Variants in PPFIA3 observed in about 807,000 individuals in gnomAD.
The protein encoded by PPFIA3 is PPFI scaffold protein A3, also known as liprin-alpha-3.
PPFIA3 carries 26 observed loss-of-function variants against 145.8 expected under a neutral mutation model. The ratio of observed to expected loss-of-function variants is 0.18; its 90% confidence interval spans 0.13 to 0.25. The LOEUF is 0.25. Among genes scored for constraint, PPFIA3 ranks in the 10% least tolerant of loss-of-function variants. PPFIA3 has a pLI of 1.00. For synonymous variants in PPFIA3, 645 were observed against 661.4 expected, an observed-to-expected ratio of 0.98 and a Z score of 0.38; for missense variants, 1,008 against 1,587.8, an observed-to-expected ratio of 0.63 and a Z score of 6.21.
chr19:49,144,818 C>A (rs1169542996), intron 21 of PPFIA3, among the ~76,000 whole-genome samples: 1 of 152,074 alleles, frequency 6.6e-6, no homozygotes, highest in African/African-American at 2.4e-5. Context: ...GTCATAACAT[C>A]TTAGCCCCCA....
At position 49,132,417 on chromosome 19, in the gene PPFIA3, A is replaced by AAAAG. The variant is rs1568436271; in HGVS notation, c.880-578_880-575dup. Among the ~76,000 whole-genome samples the AAAAG allele has an allele frequency of 4.0e-4, 60 of 149,280 alleles. 2 individuals carry two copies. The highest frequency in any genetic ancestry group is 1.4e-3 in the African/African-American group (57 of 39,898). ...AAAAAAAAAAAAAAAAAAAAAAAAA[A>AAAAG]AAAGAAAGAGAGAGAGAGAACCTTC... is the stretch of plus-strand genomic sequence containing the variant. On this transcript the variant is annotated intron_variant, in intron 7 of 29. Coordinates refer to ENST00000334186, the MANE Select transcript of PPFIA3 (RefSeq NM_003660.4).
In PPFIA3 at chr19:49,130,362, C is replaced by G. The variant is rs1441521288; in HGVS notation, c.658-16C>G. ...GAGACACTCTGGGATCTTGTCCCCT[C>G]CTTCCCTCACTCCAGACTCTTGCCA... On this transcript the variant is annotated splice_polypyrimidine_tract_variant and intron_variant, in intron 6 of 29. Transcript: ENST00000334186. The surrounding 1 kb of genome is among the most constrained non-coding windows in gnomAD (Gnocchi z 4.5). 8.2e-6 allele frequency: 13 copies of G among 1,580,564 alleles called. No individual in the cohort carries two copies. The highest frequency in any genetic ancestry group is 4.6e-5 in the South Asian group (4 of 86,992).
Position 49,128,588 on chromosome 19 carries a change from C to A in PPFIA3, c.342+120C>A. ...TTTTTCCCCCATCTCGCCTTTCTGT[C>A]TTCTCCTCTTCCCTGCTCCCACTTC... On this transcript the variant is annotated intron_variant, in intron 3 of 29. Coordinates refer to ENST00000334186, the MANE Select transcript of PPFIA3 (RefSeq NM_003660.4). The surrounding 1 kb of genome is among the most constrained non-coding windows in gnomAD (Gnocchi z 4.1). 2.1e-6 allele frequency: 2 copies of A among 933,386 alleles called. No individual in the cohort carries two copies. Among genetic ancestry groups the A allele is most frequent in the Non-Finnish European group, 3.3e-6 (2 of 607,676 alleles). The allele number at this position is 933,386 out of a possible 1,614,324, so 57.8% of individuals were successfully genotyped here.
chr19:49,141,197 T>C (rs1173049763), intron 18 of PPFIA3, among the ~76,000 whole-genome samples: 8 of 152,144 alleles, frequency 5.3e-5, no homozygotes, highest in African/African-American at 1.7e-4. Context: ...TTTACCAGCA[T>C]ACAACTGCCA....
At position 49,146,268 on chromosome 19, in the gene PPFIA3, G is replaced by C. The variant is rs979639007; in HGVS notation, c.2835+76G>C. The C allele has an allele frequency of 2.3e-5, 35 of 1,532,452 alleles. No individual in the cohort carries two copies. In the Middle Eastern group the frequency reaches 6.4e-4, roughly 28 times the overall value. 94.9% of individuals were successfully genotyped at this position (1,532,452 alleles called of 1,614,324 possible). ...CATGGATGCCCCTCCTCCGAGCCCT[G>C]CCCCTGCCTTCACCAGAACATGCCA... On this transcript the variant is annotated intron_variant, in intron 23 of 29. Transcript: ENST00000334186.
In PPFIA3 at chr19:49,128,637, C is replaced by T; in HGVS notation, c.342+169C>T. On this transcript the variant is annotated intron_variant, in intron 3 of 29. Transcript: ENST00000334186. The surrounding 1 kb of genome is among the most constrained non-coding windows in gnomAD (Gnocchi z 4.1). ...TCCTGGCTGGTCTCCCACTCTGGTGCCACTCCTTCCTCCCTGTCTCCATAA... is the reference window on the plus strand; with the variant it reads ...TCCTGGCTGGTCTCCCACTCTGGTGTCACTCCTTCCTCCCTGTCTCCATAA... 1.3e-6 allele frequency: 1 copy of T among 748,004 alleles called. No individual in the cohort carries two copies. Among genetic ancestry groups the T allele is most frequent in the African/African-American group, 1.8e-5 (1 of 56,920 alleles). The allele number at this position is 748,004 out of a possible 1,614,324, so 46.3% of individuals were successfully genotyped here.
Position 49,133,748 on chromosome 19 carries a change from G to T in PPFIA3, c.1162-48G>T. 6.3e-7 allele frequency: 1 copy of T among 1,588,192 alleles called. No homozygotes were observed. The highest frequency in any genetic ancestry group is 1.1e-5 in the South Asian group (1 of 89,588). On this transcript the variant is annotated intron_variant, in intron 9 of 29. Coordinates refer to ENST00000334186, the MANE Select transcript of PPFIA3 (RefSeq NM_003660.4). This position sits in a 1 kb window ranked among gnomAD's most constrained non-coding sequence, Gnocchi z 7.2. ...TTGGAGGAGGTGGGGCTGGGAGCCT[G>T]ACTGATCCTGGAAGGGTAAGTCACA...
chr19:49,135,577 T>G (rs1289914084), intron 13 of PPFIA3, among the ~76,000 whole-genome samples: 1 of 151,508 alleles, frequency 6.6e-6, no homozygotes, highest in Non-Finnish European at 1.5e-5. Flanking sequence ...CTTCACCAGG[T>G]TGGCCTGGTC....
intron 21 of PPFIA3, among the ~76,000 whole-genome samples, chr19:49,144,851 TC>T (rs2041262691): frequency 6.6e-6 from 1 of 152,146 alleles, no homozygotes; most frequent in Non-Finnish European, 1.5e-5. Context: ...TGGGTCTTTT[TC>T]TTCCTTGTAA....
chr19:49,126,527 A>G (rs2041001272), intron 1 of PPFIA3, among the ~76,000 whole-genome samples: 1 of 149,454 alleles, frequency 6.7e-6, no homozygotes, highest in East Asian at 2.0e-4. Flanking sequence ...CTGGGATTAC[A>G]GGCATGAGCC....
rs941608900 is a variant in PPFIA3 at position 49,150,282 on chromosome 19, C to T, written c.*60C>T. 1.1e-6 allele frequency: 1 copy of T among 885,588 alleles called. No individual in the cohort carries two copies. Among genetic ancestry groups the T allele is most frequent in the Non-Finnish European group, 1.7e-6 (1 of 591,202 alleles). 54.9% of individuals were successfully genotyped at this position (885,588 alleles called of 1,614,324 possible). On this transcript the variant is annotated 3_prime_UTR_variant, in exon 30 of 30. Coordinates refer to ENST00000334186, the MANE Select transcript of PPFIA3 (RefSeq NM_003660.4). ...AATCTTCCCGAGGCTGGGCTGTTCCCTCTCCTGCCCGGACTGTGGCCTCGC... is the reference window on the plus strand; with the variant it reads ...AATCTTCCCGAGGCTGGGCTGTTCCTTCTCCTGCCCGGACTGTGGCCTCGC...
In PPFIA3 at chr19:49,149,558, G is replaced by A. The variant is rs1443717499; in HGVS notation, c.3366G>A (p.Lys1122=). 6.2e-6 allele frequency: 10 copies of A among 1,614,226 alleles called. No homozygotes were observed. Among genetic ancestry groups the A allele is most frequent in the Non-Finnish European group, 8.5e-6 (10 of 1,180,040 alleles). ...TDRRLDEDSA[K]SFSRSPSWRK... ...GCTCCTATACCTAGGACAGCGCCAAGTCTTTCAGCCGCTCCCCATCCTGGC... is the reference window on the plus strand; with the variant it reads ...GCTCCTATACCTAGGACAGCGCCAAATCTTTCAGCCGCTCCCCATCCTGGC... Residue 1122 remains lysine, a synonymous_variant, in exon 28 of 30, where the codon AAG becomes AAA. Transcript: ENST00000334186. The surrounding 1 kb of genome is among the most constrained non-coding windows in gnomAD (Gnocchi z 5.7).
chr19:49,145,151 T>C (rs1055169082), intron 21 of PPFIA3, among the ~76,000 whole-genome samples: 2 of 151,982 alleles, frequency 1.3e-5, no homozygotes, highest in African/African-American at 4.8e-5. Context: ...AGGCTGGTCT[T>C]GAACTCCTGA....
chr19:49,128,079 C>G lies in PPFIA3; in HGVS notation c.206C>G (p.Ser69Trp). 1 of 1,586,246 alleles carries G rather than the reference C, an allele frequency of 6.3e-7. No individual in the cohort carries two copies. Among genetic ancestry groups the G allele is most frequent in the Non-Finnish European group, 8.5e-7 (1 of 1,174,354 alleles). ...CGCGAGCTCGGCCACGAGAAGGACT[C>G]GCTGCAGCGCCAGCTCAGCATCGCG... ...RLRELGHEKD[S>W]LQRQLSIALP... The change falls in exon 2 of 30, where the codon TCG (serine) becomes TGG (tryptophan). Residue 69 changes from serine (S) to tryptophan (W), a missense_variant. Physicochemically the swap from Ser to Trp is radical, Grantham distance 177. Around this residue, in one of 11 missense-constraint regions of PPFIA3, gnomAD observed 108 missense variants for 144.3 expected, o/e 0.75. Transcript: ENST00000334186. The surrounding 1 kb of genome is among the most constrained non-coding windows in gnomAD (Gnocchi z 4.1).
At chr19:49,142,709 C>T in intron 20 of PPFIA3, 95 bp from the exon 21 acceptor site, 1 of 1,045,454 alleles carries the variant, frequency 9.6e-7, no homozygotes, top group South Asian at 1.4e-5. Context: ...GCTCCCCACC[C>T]CCTTGCCTTT....
chr19:49,137,660 T>TAAAAAAAAAAAAAAAAAAAAAA (rs1325560140), intron 15 of PPFIA3, among the ~76,000 whole-genome samples: 1 of 57,464 alleles, frequency 1.7e-5, no homozygotes, highest in Admixed American at 1.7e-4. Flanking sequence ...AAAAAAAAAG[T>TAAAAAAAAAAAAAAAAAAAAAA]CCCCAACTTA....
intron 11 of PPFIA3, 74 bp from the exon 12 acceptor site, chr19:49,134,565 A>T: frequency 7.2e-7 from 1 of 1,390,692 alleles, no homozygotes; most frequent in Non-Finnish European, 1.0e-6. Context: ...GTCTGTGTGC[A>T]CTGGGAGCTG....
intron 1 of PPFIA3, among the ~76,000 whole-genome samples, 187 bp from the exon 2 acceptor site, chr19:49,127,672 G>T (rs1057393067): frequency 6.6e-6 from 1 of 152,068 alleles, no homozygotes; most frequent in Non-Finnish European, 1.5e-5. Flanking sequence ...TTTCCCCGGT[G>T]GAGTGACAGG....
In PPFIA3 at chr19:49,146,025, C is replaced by A. The variant is rs754218855; in HGVS notation, c.2808+20C>A. 1.9e-6 allele frequency: 3 copies of A among 1,613,208 alleles called. No individual in the cohort carries two copies. Among genetic ancestry groups the A allele is most frequent in the African/African-American group, 2.7e-5 (2 of 74,770 alleles). ...AAGCCCGTGAGTGCCCCCTGCCGGC[C>A]GCCTTGGGGGTGGCACTAACCTTCT... On this transcript the variant is annotated intron_variant, in intron 22 of 29. Coordinates refer to ENST00000334186, the MANE Select transcript of PPFIA3 (RefSeq NM_003660.4).
Sources: allele counts gnomAD v4.1 joint callset (sites outside exome capture counted in the v4.1 genomes callset), GRCh38; gene constraint gnomAD v4.1.1; regional missense constraint gnomAD v4.1.1; non-coding constraint Gnocchi (gnomAD v3.1); transcripts MANE v1.5; gene names NCBI Gene and HGNC (gene_info 2026-07-23, HGNC 2026-07-21).